The following XKR7 variants were observed in gnomAD, a reference collection of about 807,000 sequenced individuals.
The protein encoded by XKR7 is XK related 7.
In XKR7, 11 loss-of-function variants were observed where a neutral mutation model predicts 42.2. The ratio of observed to expected loss-of-function variants is 0.26; its 90% CI spans 0.16 to 0.43. The LOEUF is 0.43. Among genes scored for constraint, XKR7 ranks in the 20% least tolerant of loss-of-function variants. The pLI is 1.00. For missense variants in XKR7, 710 were observed against 802.2 expected, an observed-to-expected ratio of 0.89 and a Z score of 1.39; for synonymous variants, 346 against 366.4, an observed-to-expected ratio of 0.94 and a Z score of 0.64.
At chr20:31,993,088 CCACACACA>C (rs374683030) in intron 1 of XKR7, among the ~76,000 whole-genome samples, 1 of 147,314 alleles carries the variant, frequency 6.8e-6, no homozygotes, top group South Asian at 2.1e-4. Context: ...GGTTCCCCCT[CCACACACA>C]CACACACACA....
chr20:31,997,816 TG>T lies in XKR7; in HGVS notation c.*363del, dbSNP rs2064603055. 3.6e-6 allele frequency: 1 copy of T among 277,326 alleles called. No individual in the cohort carries two copies. Among genetic ancestry groups the T allele is most frequent in the Non-Finnish European group, 6.9e-6 (1 of 145,834 alleles). The allele number at this position is 277,326 out of a possible 1,614,324, so 17.2% of individuals were successfully genotyped here. A position where few individuals can be genotyped will look rare whatever the true frequency, so the allele number is the denominator to read the frequency against. On this transcript the variant is annotated 3_prime_UTR_variant, in exon 3 of 3. Coordinates refer to ENST00000562532, the MANE Select transcript of XKR7 (RefSeq NM_001011718.2). ...GACTTGCCAGAGAAAGGGCACTGTC[TG>T]GGGTCCATGACCTAGACCCTGTGCT... is the stretch of plus-strand genomic sequence containing the variant.
Position 31,995,237 on chromosome 20 carries a change from G to A in XKR7, c.754G>A (p.Val252Met). 6.5e-7 allele frequency: 1 copy of A among 1,540,438 alleles called. No individual in the cohort carries two copies. Among genetic ancestry groups the A allele is most frequent in the Non-Finnish European group, 8.7e-7 (1 of 1,146,158 alleles). The change falls in exon 2 of 3, where the codon GTG becomes ATG. Residue 252 changes from valine to methionine, a missense_variant. This residue lies in a region of XKR7 where 708 missense variants were observed against 786.2 expected (regional missense o/e 0.90). Transcript: ENST00000562532. The surrounding 1 kb of genome is among the most constrained non-coding windows in gnomAD (Gnocchi z 4.1). ...PQLVLQLSLL[V>M]HRGGAPDLLP... The stretch of plus-strand genomic sequence containing the variant: ...GCTAGTGCTGCAGCTCAGCCTGCTG[G>A]TGCACCGCGGTGGCGCGCCCGACCT...
chr20:31,970,386 G>A (rs975625299), intron 1 of XKR7: 2 of 152,188 alleles, frequency 1.3e-5, no homozygotes, highest in Admixed American at 1.3e-4. Flanking sequence ...CATAAACTGA[G>A]TTTCCCTCAA....
chr20:31,970,896 A>G (rs1467343064), intron 1 of XKR7: 1 of 152,184 alleles, frequency 6.6e-6, no homozygotes, highest in Non-Finnish European at 1.5e-5. Flanking sequence ...TGTGGTTAGC[A>G]TTATAATTTC....
Position 31,995,339 on chromosome 20 carries a change from C to G in XKR7, c.787+69C>G. 1.3e-6 allele frequency: 2 copies of G among 1,529,050 alleles called. No homozygotes were observed. The highest frequency in any genetic ancestry group is 8.7e-7 in the Non-Finnish European group (1 of 1,145,020). The allele number at this position is 1,529,050 out of a possible 1,614,324, so 94.7% of individuals were successfully genotyped here. A position where few individuals can be genotyped will look rare whatever the true frequency, so the allele number is the denominator to read the frequency against. ...GGGCCTTTCTCCCTGCTTCAGGCTC[C>G]CTGGGGATGCCCTGTGGGCTTCCCC... On this transcript the variant is annotated intron_variant, in intron 2 of 2. Coordinates refer to ENST00000562532, the MANE Select transcript of XKR7 (RefSeq NM_001011718.2). This position sits in a 1 kb window ranked among gnomAD's most constrained non-coding sequence, Gnocchi z 4.1.
chr20:31,968,819 C>T lies in XKR7; in HGVS notation c.584+60C>T. On this transcript the variant is annotated intron_variant, in intron 1 of 2. Coordinates refer to ENST00000562532, the MANE Select transcript of XKR7 (RefSeq NM_001011718.2). The surrounding 1 kb of genome is among the most constrained non-coding windows in gnomAD (Gnocchi z 4.5). Reference sequence around the variant, plus strand: ...AGGAGTGGGGGTGGCGAAGGGCTACCTGACGTCCCAGCCCTGATCTGACCT... The same window carrying T: ...AGGAGTGGGGGTGGCGAAGGGCTACTTGACGTCCCAGCCCTGATCTGACCT... The T allele has an allele frequency of 6.9e-7, 1 of 1,446,268 alleles. No homozygotes were observed. Among genetic ancestry groups the T allele is most frequent in the Non-Finnish European group, 9.0e-7 (1 of 1,104,982 alleles). The allele number at this position is 1,446,268 out of a possible 1,614,324, so 89.6% of individuals were successfully genotyped here.
At chr20:31,970,448 G>A (rs755604288) in intron 1 of XKR7, 2 of 152,214 alleles carry the variant, frequency 1.3e-5, no homozygotes, top group Non-Finnish European at 2.9e-5. Flanking sequence ...AGCTAGAATT[G>A]CTAAGGATCC....
In XKR7 at chr20:31,997,018, TCTACTA is replaced by T; in HGVS notation, c.1304_1309del (p.Tyr435_Tyr436del). 1 of 1,614,076 alleles carries T rather than the reference TCTACTA, an allele frequency of 6.2e-7. No individual in the cohort carries two copies. Among genetic ancestry groups the T allele is most frequent in the Non-Finnish European group, 8.5e-7 (1 of 1,180,042 alleles). On this transcript the variant is annotated inframe_deletion, in exon 3 of 3. Transcript: ENST00000562532. The stretch of plus-strand genomic sequence containing the variant: ...GCGCTGGGCATATTCTTCATGTGTG[TCTACTA>T]CTGTCTCCTGCACCCCAATGGGCCC...
At chr20:31,974,991 G>A (rs988606186) in intron 1 of XKR7, among the ~76,000 whole-genome samples, 13 of 152,092 alleles carry the variant, frequency 8.5e-5, no homozygotes, top group African/African-American at 2.9e-4. Flanking sequence ...CAGCGGCGGC[G>A]GTTGGGCCCA....
Position 31,968,377 on chromosome 20 carries a change from T to G in XKR7, c.202T>G (p.Phe68Val), listed in dbSNP as rs2064445577. 1.2e-6 allele frequency: 2 copies of G among 1,612,554 alleles called. No individual in the cohort carries two copies. Among genetic ancestry groups the G allele is most frequent in the South Asian group, 2.2e-5 (2 of 91,078 alleles). Residue 68 changes from phenylalanine to valine, a missense_variant, in exon 1 of 3, where the codon TTC becomes GTC. Around this residue, in one of 2 missense-constraint regions of XKR7, gnomAD observed 708 missense variants for 786.2 expected, o/e 0.90. Coordinates refer to ENST00000562532, the MANE Select transcript of XKR7 (RefSeq NM_001011718.2). This position sits in a 1 kb window ranked among gnomAD's most constrained non-coding sequence, Gnocchi z 4.5. Reference protein sequence around the residue: ...CWVLCALLVFFSDGATDLWLA... With the variant: ...CWVLCALLVFVSDGATDLWLA... ...GGTGCTGTGCGCGCTGCTCGTGTTC[T>G]TCTCCGACGGTGCCACGGACCTGTG...
Position 31,968,219 on chromosome 20 carries a change from A to AT in XKR7, c.44_45insT (p.Glu17GlyfsTer441). 3.4e-6 allele frequency: 4 copies of AT among 1,161,592 alleles called. No individual in the cohort carries two copies. Among genetic ancestry groups the AT allele is most frequent in the Non-Finnish European group, 2.1e-6 (2 of 942,706 alleles). The allele number at this position is 1,161,592 out of a possible 1,614,324, so 72.0% of individuals were successfully genotyped here. ...GGAGCGGCGGCCTCGGCCAGCCCGG[A>AT]CCCGGAGGGGGCTGCCGGTGGAGCC... On this transcript the variant is annotated frameshift_variant, in exon 1 of 3. Coordinates refer to ENST00000562532, the MANE Select transcript of XKR7 (RefSeq NM_001011718.2). LOFTEE classifies it high-confidence loss of function. The surrounding 1 kb of genome is among the most constrained non-coding windows in gnomAD (Gnocchi z 4.5).
At chr20:31,972,747 C>G (rs1469052528) in intron 1 of XKR7, among the ~76,000 whole-genome samples, 1 of 152,170 alleles carries the variant, frequency 6.6e-6, no homozygotes, top group Non-Finnish European at 1.5e-5. Context: ...GAAAATTAGG[C>G]AATTGGGATT....
intron 1 of XKR7, among the ~76,000 whole-genome samples, chr20:31,981,068 A>C (rs2064510290): frequency 6.6e-6 from 1 of 150,618 alleles, no homozygotes; most frequent in Non-Finnish European, 1.5e-5. Flanking sequence ...CTGTCTCAAA[A>C]AAAAAAAAAA....
Position 31,995,064 on chromosome 20 carries a change from G to T in XKR7, c.585-4G>T, listed in dbSNP as rs1334174057. 1.3e-6 allele frequency: 2 copies of T among 1,542,590 alleles called. No individual in the cohort carries two copies. Among genetic ancestry groups the T allele is most frequent in the African/African-American group, 2.8e-5 (2 of 72,436 alleles). Reference sequence around the variant, plus strand: ...GGAGCCTGAGCACCGCGTCCTTCCCGCAGGTACCTGCGCGCCCTGTACCTG... The same window carrying T: ...GGAGCCTGAGCACCGCGTCCTTCCCTCAGGTACCTGCGCGCCCTGTACCTG... On this transcript the variant is annotated splice_polypyrimidine_tract_variant and splice_region_variant and intron_variant, in intron 1 of 2. Transcript: ENST00000562532. This position sits in a 1 kb window ranked among gnomAD's most constrained non-coding sequence, Gnocchi z 4.1.
At chr20:31,986,005 C>A (rs1169940008) in intron 1 of XKR7, among the ~76,000 whole-genome samples, 2 of 146,074 alleles carry the variant, frequency 1.4e-5, no homozygotes, top group African/African-American at 2.6e-5. Flanking sequence ...GACCCAGCAT[C>A]CAAGACACAG....
Position 31,968,647 on chromosome 20 carries a change from G to T in XKR7, c.472G>T (p.Gly158Cys). 1 of 1,584,782 alleles carries T rather than the reference G, an allele frequency of 6.3e-7. No individual in the cohort carries two copies. Among genetic ancestry groups the T allele is most frequent in the Admixed American group, 1.8e-5 (1 of 56,846 alleles). Residue 158 changes from glycine (G) to cysteine (C), a missense_variant, in exon 1 of 3, where the codon GGT becomes TGT. By Grantham distance (159) the Gly-to-Cys change is radical (BLOSUM62 -3). Coordinates refer to ENST00000562532, the MANE Select transcript of XKR7 (RefSeq NM_001011718.2). This position sits in a 1 kb window ranked among gnomAD's most constrained non-coding sequence, Gnocchi z 4.5. ...GACCAAAGAAGGCAGCCCCGAGCCGGGTCCCCAGCCTGCGCCCTCCTCGGC... is the reference window on the plus strand; with the variant it reads ...GACCAAAGAAGGCAGCCCCGAGCCGTGTCCCCAGCCTGCGCCCTCCTCGGC... ...FRTKEGSPEPGPQPAPSSASA... is the reference protein window; with the variant it reads ...FRTKEGSPEPCPQPAPSSASA...
intron 1 of XKR7, among the ~76,000 whole-genome samples, chr20:31,984,964 C>T (rs999537554): frequency 5.9e-5 from 9 of 152,180 alleles, no homozygotes; most frequent in African/African-American, 1.9e-4. Flanking sequence ...TAATGGTAGT[C>T]CCTGCTTCGA....
rs1600664519 is a variant in XKR7, at chr20:31,997,491, G to A, written c.*34G>A. The A allele has an allele frequency of 1.3e-6, 2 of 1,546,972 alleles. No individual in the cohort carries two copies. Among genetic ancestry groups the A allele is most frequent in the African/African-American group, 1.4e-5 (1 of 73,882 alleles). ...GTCCCAGCACAAAAGGGACAGGCTT[G>A]GCTGATCCCACATCCGCCGCAGTGT... On this transcript the variant is annotated 3_prime_UTR_variant, in exon 3 of 3. Transcript: ENST00000562532.
chr20:31,982,062 T>C (rs754568), intron 1 of XKR7, among the ~76,000 whole-genome samples: 1 of 152,150 alleles, frequency 6.6e-6, no homozygotes, highest in East Asian at 1.9e-4. Flanking sequence ...TTGGAGCATT[T>C]CTGGAGCCCA....
Sources: gnomAD v4.1 joint callset for allele counts (sites outside exome capture counted in the v4.1 genomes callset) on GRCh38, gnomAD v4.1.1 for gene constraint, gnomAD v4.1.1 regional missense constraint, Gnocchi (gnomAD v3.1) non-coding constraint, MANE v1.5 for transcripts, NCBI Gene and HGNC (gene_info 2026-07-23, HGNC 2026-07-21) for gene names.